PRKCA: variants seen among roughly 807,000 people sequenced by gnomAD.
The protein encoded by PRKCA is protein kinase C alpha, also known as protein kinase C alpha type.
A neutral mutation model predicts 87.0 loss-of-function variants in PRKCA; 27 were observed. The observed-to-expected ratio is 0.31, with a 90% CI of 0.23 to 0.43. PRKCA has a LOEUF of 0.43. PRKCA is among the 20% of genes least tolerant of loss of function. The pLI, the probability that PRKCA is intolerant of heterozygous loss-of-function variation, is 1.00. For missense variants in PRKCA, 518 were observed against 852.3 expected, an observed-to-expected ratio of 0.61 and a Z score of 4.88; for synonymous variants, 329 against 311.1, an observed-to-expected ratio of 1.06 and a Z score of -0.61.
intron 2 of PRKCA, among the ~76,000 whole-genome samples, chr17:66,472,305 AG>A (rs913613603): frequency 1.3e-5 from 2 of 152,130 alleles, no homozygotes; most frequent in African/African-American, 4.8e-5. Flanking sequence ...GGTACCTTCT[AG>A]ACATCTTGAC....
chr17:66,687,297 T>C, intron 6 of PRKCA, 30 bp downstream of exon 6: 1 of 1,605,152 alleles, frequency 6.2e-7, no homozygotes, highest in Non-Finnish European at 8.5e-7. Flanking sequence ...TCAAATTTCA[T>C]TCCTATACAC....
chr17:66,645,568 A>G (rs1971429413), intron 5 of PRKCA, 57 bp downstream of exon 5: 2 of 1,605,460 alleles, frequency 1.2e-6, no homozygotes, highest in Admixed American at 3.4e-5. Flanking sequence ...TGAAGGTTAC[A>G]CTGATATTAA....
intron 2 of PRKCA, among the ~76,000 whole-genome samples, chr17:66,366,261 G>T (rs757970238): frequency 9.2e-5 from 14 of 152,106 alleles, no homozygotes; most frequent in Non-Finnish European, 1.6e-4. Flanking sequence ...AAATCCAGAA[G>T]CCTTACAAGG....
intron 4 of PRKCA, 139 bp downstream of exon 4, chr17:66,641,605 A>G (rs1971298917): frequency 4.1e-6 from 2 of 489,826 alleles, no homozygotes; most frequent in South Asian, 9.7e-5. Context: ...CCAGACTGAC[A>G]AAGTGTAGAT....
chr17:66,489,815 C>G (rs1380855791), intron 2 of PRKCA, among the ~76,000 whole-genome samples: 1 of 150,078 alleles, frequency 6.7e-6, no homozygotes, highest in African/African-American at 2.5e-5. Flanking sequence ...GGGTCTCACT[C>G]TGTCACCCAG....
At chr17:66,715,778 G>A (rs1973458153) in intron 8 of PRKCA, among the ~76,000 whole-genome samples, 1 of 151,790 alleles carries the variant, frequency 6.6e-6, no homozygotes, top group South Asian at 2.1e-4. Context: ...TGTCTTGTTT[G>A]TGCCATCTTG....
At chr17:66,562,131 ATT>A in intron 3 of PRKCA, among the ~76,000 whole-genome samples, 1 of 35,242 alleles carries the variant, frequency 2.8e-5, no homozygotes, top group Middle Eastern at 0.014. Context: ...AATATATATA[ATT>A]AAATTATATA....
chr17:66,635,624 T>G (rs1291170537), intron 3 of PRKCA, among the ~76,000 whole-genome samples: 2 of 152,236 alleles, frequency 1.3e-5, no homozygotes, highest in Admixed American at 1.3e-4. Flanking sequence ...ATATATTTAA[T>G]GAAGAAGTAA....
At chr17:66,672,607 A>G (rs1375670290) in intron 5 of PRKCA, among the ~76,000 whole-genome samples, 2 of 152,234 alleles carry the variant, frequency 1.3e-5, no homozygotes, top group African/African-American at 4.8e-5. Flanking sequence ...GCATAAATAG[A>G]ACAAGAAAAA....
At chr17:66,788,735 C>G in intron 15 of PRKCA, 104 bp from the exon 16 acceptor site, 1 of 1,352,248 alleles carries the variant, frequency 7.4e-7, no homozygotes. Flanking sequence ...GCTGTCCAGG[C>G]GTCCACAAAG....
intron 3 of PRKCA, among the ~76,000 whole-genome samples, chr17:66,638,662 C>A (rs1759235128): frequency 6.6e-6 from 1 of 152,080 alleles, no homozygotes; most frequent in Non-Finnish European, 1.5e-5. Flanking sequence ...TCCTGGCTAA[C>A]AAAGTGAAAC....
chr17:66,399,423 A>C (rs1186449623), intron 2 of PRKCA, among the ~76,000 whole-genome samples: 1 of 152,104 alleles, frequency 6.6e-6, no homozygotes, highest in Non-Finnish European at 1.5e-5. Context: ...GTTTTTCAAA[A>C]TTTCAATCTG....
At chr17:66,421,821 G>A (rs567036046) in intron 2 of PRKCA, among the ~76,000 whole-genome samples, 1 of 151,954 alleles carries the variant, frequency 6.6e-6, no homozygotes, top group African/African-American at 2.4e-5. Flanking sequence ...GGGATTACAG[G>A]TGTGAACCAC....
chr17:66,472,680 C>T (rs1915374446), intron 2 of PRKCA, among the ~76,000 whole-genome samples: 2 of 152,144 alleles, frequency 1.3e-5, no homozygotes, highest in African/African-American at 4.8e-5. Flanking sequence ...CTTTAGCCCA[C>T]AAATGCCCAC....
At chr17:66,774,593 C>T (rs778004957) in intron 14 of PRKCA, 5 of 982,904 alleles carry the variant, frequency 5.1e-6, no homozygotes, top group Non-Finnish European at 6.1e-6. Flanking sequence ...TGCACTGCAG[C>T]CTGGGCAACA....
At chr17:66,431,350 A>G (rs1913089912) in intron 2 of PRKCA, among the ~76,000 whole-genome samples, 1 of 152,190 alleles carries the variant, frequency 6.6e-6, no homozygotes, top group South Asian at 2.1e-4. Context: ...GACAATAGTC[A>G]TGGAAATGAA....
At chr17:66,622,293 A>G (rs1196402788) in intron 3 of PRKCA, among the ~76,000 whole-genome samples, 2 of 152,214 alleles carry the variant, frequency 1.3e-5, no homozygotes, top group African/African-American at 4.8e-5. Flanking sequence ...TTTGCAAGCA[A>G]TGACCTTCTC....
intron 8 of PRKCA, among the ~76,000 whole-genome samples, chr17:66,705,520 C>T (rs1973169806): frequency 6.6e-6 from 1 of 152,240 alleles, no homozygotes; most frequent in Non-Finnish European, 1.5e-5. Context: ...TTCTAGTTGT[C>T]TGTCTAATGA....
intron 2 of PRKCA, among the ~76,000 whole-genome samples, chr17:66,398,413 T>C (rs1910814516): frequency 6.6e-6 from 1 of 152,216 alleles, no homozygotes; most frequent in Admixed American, 6.5e-5. Context: ...TCATGATGGC[T>C]TTAAACATCT....
Sources: gnomAD v4.1 joint callset for allele counts (sites outside exome capture counted in the v4.1 genomes callset) on GRCh38, gnomAD v4.1.1 for gene constraint, MANE v1.5 for transcripts, NCBI Gene and HGNC (gene_info 2026-07-23, HGNC 2026-07-21) for gene names.